MAGI3: variants seen among roughly 807,000 people sequenced by gnomAD.
MAGI3 encodes the protein membrane associated guanylate kinase, WW and PDZ domain containing 3.
In MAGI3, 43 loss-of-function variants were observed where a neutral mutation model predicts 121.8. The ratio of observed to expected loss-of-function variants is 0.35; its 90% CI spans 0.28 to 0.46. MAGI3 has a LOEUF of 0.46. MAGI3 is among the 20% of genes least tolerant of loss of function. MAGI3 has a pLI of 1.00. For missense variants in MAGI3, 1,547 were observed against 1,797.3 expected (o/e 0.86, Z 2.52); for synonymous variants, 553 against 639.3 (o/e 0.86, Z 2.04).
intron 1 of MAGI3, among the ~76,000 whole-genome samples, chr1:113,483,672 G>A (rs1333057849): frequency 1.3e-5 from 2 of 152,154 alleles, no homozygotes; most frequent in Non-Finnish European, 2.9e-5. Flanking sequence ...GTGCCTCAAA[G>A]CTCTGTTGTT....
chr1:113,547,081 T>TAA (rs75603474), intron 1 of MAGI3, among the ~76,000 whole-genome samples: 109 of 120,184 alleles, frequency 9.1e-4, no homozygotes, highest in Admixed American at 2.5e-3. Context: ...AGACTCCATC[T>TAA]AAAAAAAAAA....
chr1:113,391,110 C>G lies in MAGI3; in HGVS notation c.77C>G (p.Pro26Arg). 6.3e-7 allele frequency: 1 copy of G among 1,578,520 alleles called. No individual in the cohort carries two copies. The highest frequency in any genetic ancestry group is 8.6e-7 in the Non-Finnish European group (1 of 1,162,770). ...QECAVSWAGP[P>R]GDFGAEIRGG... ...TGCGCCGTGTCCTGGGCCGGGCCCC[C>G]GGGCGACTTCGGCGCGGAGATCCGC... Residue 26 changes from proline (P) to arginine (R), a missense_variant, in exon 1 of 21, where the codon CCG (proline) becomes CGG (arginine). Coordinates refer to ENST00000307546, the MANE Select transcript of MAGI3 (RefSeq NM_001142782.2). The surrounding 1 kb of genome is among the most constrained non-coding windows in gnomAD (Gnocchi z 4.4).
intron 15 of MAGI3, among the ~76,000 whole-genome samples, chr1:113,655,164 G>T (rs1653402575): frequency 6.6e-6 from 1 of 152,088 alleles, no homozygotes; most frequent in South Asian, 2.1e-4. Context: ...TGAAAGGAAA[G>T]CAGCTTTTAG....
chr1:113,463,913 G>C (rs891829151), intron 1 of MAGI3, among the ~76,000 whole-genome samples: 10 of 152,022 alleles, frequency 6.6e-5, no homozygotes, highest in Admixed American at 3.9e-4. Flanking sequence ...AGGGGTACAT[G>C]TGAAAATATA....
chr1:113,467,839 C>G (rs1435409191), intron 1 of MAGI3, among the ~76,000 whole-genome samples: 1 of 152,112 alleles, frequency 6.6e-6, no homozygotes, highest in East Asian at 1.9e-4. Context: ...CTGGCTCCCT[C>G]CTATTATTGT....
chr1:113,563,726 A>G lies in MAGI3; in HGVS notation c.433+14095A>G, dbSNP rs569198705. 9.8e-5 allele frequency among the ~76,000 whole-genome samples: 15 copies of G among 152,342 alleles called. No homozygotes were observed. In the South Asian group the frequency reaches 2.9e-3, roughly 29 times the overall value. Reference sequence around the variant, plus strand: ...TTTCCTATGGGTTTCTCGCAAGTCCAGCCAATGTCTTAGCTGGTTTTCTAT... The same window carrying G: ...TTTCCTATGGGTTTCTCGCAAGTCCGGCCAATGTCTTAGCTGGTTTTCTAT... On this transcript the variant is annotated intron_variant, in intron 2 of 20. Transcript: ENST00000307546.
At chr1:113,533,779 C>CT (rs1369851533) in intron 1 of MAGI3, among the ~76,000 whole-genome samples, 7 of 140,134 alleles carry the variant, frequency 5.0e-5, no homozygotes, top group African/African-American at 1.8e-4. Context: ...AATATCTTTT[C>CT]TTTTTCTTTT....
chr1:113,454,995 G>A (rs1008147329), intron 1 of MAGI3, among the ~76,000 whole-genome samples: 5 of 152,126 alleles, frequency 3.3e-5, no homozygotes, highest in African/African-American at 9.7e-5. Context: ...GAAGGCATAC[G>A]TGAAAAATTA....
chr1:113,394,997 A>G (rs1302820995), intron 1 of MAGI3, among the ~76,000 whole-genome samples: 3 of 152,090 alleles, frequency 2.0e-5, no homozygotes, highest in Non-Finnish European at 1.5e-5. Flanking sequence ...TGGTGAAGAA[A>G]CACTACTGGA....
At chr1:113,649,174 C>T in intron 12 of MAGI3, 63 bp from the exon 13 acceptor site, 1 of 1,313,784 alleles carries the variant, frequency 7.6e-7, no homozygotes, top group Non-Finnish European at 1.1e-6. Context: ...AAATACTGAA[C>T]TTTGTTTTGT....
chr1:113,418,356 T>G (rs1474503073), intron 1 of MAGI3, among the ~76,000 whole-genome samples: 1 of 152,172 alleles, frequency 6.6e-6, no homozygotes, highest in Non-Finnish European at 1.5e-5. Flanking sequence ...CAGTGTCTAA[T>G]TTGGTTGCTT....
At chr1:113,458,920 T>TA (rs1370378363) in intron 1 of MAGI3, among the ~76,000 whole-genome samples, 1 of 152,216 alleles carries the variant, frequency 6.6e-6, no homozygotes, top group Non-Finnish European at 1.5e-5. Flanking sequence ...TTAGAAACTT[T>TA]AATAAGAATT....
chr1:113,512,689 G>A (rs192348149), intron 1 of MAGI3, among the ~76,000 whole-genome samples: 2 of 152,230 alleles, frequency 1.3e-5, no homozygotes, highest in East Asian at 3.9e-4. Flanking sequence ...GGCAAAAACT[G>A]GAAGCATTCC....
intron 5 of MAGI3, 82 bp from the exon 6 acceptor site, chr1:113,594,399 T>G: frequency 9.2e-7 from 1 of 1,092,266 alleles, no homozygotes; most frequent in Non-Finnish European, 1.4e-6. Flanking sequence ...ATCATGTCTT[T>G]TAGTCACTTT....
At chr1:113,519,461 C>T (rs1658077192) in intron 1 of MAGI3, among the ~76,000 whole-genome samples, 1 of 151,822 alleles carries the variant, frequency 6.6e-6, no homozygotes, top group Non-Finnish European at 1.5e-5. Context: ...TTTCATTATC[C>T]CAAAATAATG....
intron 20 of MAGI3, chr1:113,682,181 T>TAGTC (rs1648262278): frequency 1.3e-6 from 2 of 1,487,748 alleles, no homozygotes; most frequent in African/African-American, 3.1e-5. Context: ...TTTTTTCACA[T>TAGTC]AGTCCTAGGC....
At chr1:113,522,892 A>G (rs1294550548) in intron 1 of MAGI3, among the ~76,000 whole-genome samples, 1 of 152,216 alleles carries the variant, frequency 6.6e-6, no homozygotes, top group East Asian at 1.9e-4. Flanking sequence ...CACCCAGGAA[A>G]TGTAAGAAAG....
chr1:113,439,434 T>G (rs958608491), intron 1 of MAGI3, among the ~76,000 whole-genome samples: 3 of 152,222 alleles, frequency 2.0e-5, no homozygotes, highest in African/African-American at 7.2e-5. Context: ...TTCCCTTTCT[T>G]ATCACCTGGC....
chr1:113,495,928 T>G (rs942852684), intron 1 of MAGI3, among the ~76,000 whole-genome samples: 5 of 146,388 alleles, frequency 3.4e-5, no homozygotes, highest in South Asian at 2.1e-4. Context: ...TCATTAGACC[T>G]GCTATGATTG....
Sources: allele counts gnomAD v4.1 joint callset (sites outside exome capture counted in the v4.1 genomes callset), GRCh38; gene constraint gnomAD v4.1.1; non-coding constraint Gnocchi (gnomAD v3.1); transcripts MANE v1.5; gene names NCBI Gene and HGNC (gene_info 2026-07-23, HGNC 2026-07-21).